The following ADGRA1 variants were observed in gnomAD, a reference collection of about 807,000 sequenced individuals.
The protein encoded by ADGRA1 is adhesion G protein-coupled receptor A1, also known as G-protein coupled receptor 123.
ADGRA1 carries 12 observed loss-of-function variants against 21.3 expected under a neutral mutation model. The observed-to-expected ratio is 0.56, with a 90% CI of 0.36 to 0.91. ADGRA1 has a LOEUF of 0.91. Among genes scored for constraint, ADGRA1 ranks in the 40% least tolerant of loss-of-function variants. The probability of loss-of-function intolerance (pLI) is 0.01; values close to 1 mark genes in which losing one functional copy is unlikely to be tolerated. For synonymous variants in ADGRA1, 385 were observed against 368.8 expected (o/e 1.04, Z -0.50); for missense variants, 790 against 805.6 (o/e 0.98, Z 0.23).
At position 133,123,722 on chromosome 10, in the gene ADGRA1, C is replaced by G. The variant is rs373641231; in HGVS notation, c.402-3511C>G. 8.4e-3 allele frequency among the ~76,000 whole-genome samples: 1,282 copies of G among 152,142 alleles called. 8 individuals are homozygous for G. The highest frequency in any genetic ancestry group is 0.022 in the African/African-American group (930 of 41,530). On this transcript the variant is annotated intron_variant, in intron 5 of 6. Coordinates refer to ENST00000392607, the MANE Select transcript of ADGRA1 (RefSeq NM_001083909.3). ...GGGGAGGACTGCCTCCCTCCCCCCC[C>G]CCGGCACCTTCTGGGGCTGCCTCGG...
intron 5 of ADGRA1, 102 bp downstream of exon 5, chr10:133,102,944 T>C: frequency 7.7e-7 from 1 of 1,300,364 alleles, no homozygotes; most frequent in Non-Finnish European, 1.1e-6. Context: ...ACCAGGGGCC[T>C]GAGGATGATC....
chr10:133,088,594 C>G, intron 1 of ADGRA1, 114 bp from the exon 2 acceptor site: 1 of 602,488 alleles, frequency 1.7e-6, no homozygotes, highest in Non-Finnish European at 2.3e-6. Context: ...CCAGGCCGCC[C>G]GCGGAGGGGA....
chr10:133,100,903 C>G (rs2135875202), intron 4 of ADGRA1, among the ~76,000 whole-genome samples: 1 of 152,346 alleles, frequency 6.6e-6, no homozygotes, highest in African/African-American at 2.4e-5. Context: ...TGACGCCAGG[C>G]TCGGGAAGCG....
intron 5 of ADGRA1, among the ~76,000 whole-genome samples, chr10:133,126,919 C>G (rs1266995276): frequency 6.6e-6 from 1 of 152,176 alleles, no homozygotes; most frequent in South Asian, 2.1e-4. Context: ...GGGGAGCAGT[C>G]CCGCCTGTAG....
At position 133,092,653 on chromosome 10, in the gene ADGRA1, G is replaced by T. The variant is rs552982955; in HGVS notation, c.3+3741G>T. On this transcript the variant is annotated intron_variant, in intron 2 of 6. Coordinates refer to ENST00000392607, the MANE Select transcript of ADGRA1 (RefSeq NM_001083909.3). ...CAGGAAATCAGTGTTCATTGGCACA[G>T]AACCAGGAAGTAAAACAGGGAGAAC... is the stretch of plus-strand genomic sequence containing the variant. Among the ~76,000 whole-genome samples, 32 of 151,888 alleles carry T rather than the reference G, an allele frequency of 2.1e-4. No homozygotes were observed. In the South Asian group the frequency reaches 6.5e-3, roughly 31 times the overall value.
chr10:133,125,101 A>C (rs1274531328), intron 5 of ADGRA1, among the ~76,000 whole-genome samples: 2 of 152,138 alleles, frequency 1.3e-5, no homozygotes, highest in African/African-American at 4.8e-5. Flanking sequence ...AGCTCTCTTA[A>C]TCTCACAGTT....
intron 4 of ADGRA1, among the ~76,000 whole-genome samples, chr10:133,101,084 G>C (rs1026001694): frequency 6.6e-6 from 1 of 152,232 alleles, no homozygotes; most frequent in East Asian, 1.9e-4. Context: ...CCGCCTCCGG[G>C]TAAGGAGGAG....
chr10:133,109,355 C>T (rs1302543841), intron 5 of ADGRA1, among the ~76,000 whole-genome samples: 1 of 152,086 alleles, frequency 6.6e-6, no homozygotes, highest in East Asian at 1.9e-4. Flanking sequence ...GTCCCTTTCT[C>T]AGCCTCCTGC....
chr10:133,095,385 G>A (rs1327229778), intron 2 of ADGRA1, among the ~76,000 whole-genome samples: 1 of 152,200 alleles, frequency 6.6e-6, no homozygotes, highest in Non-Finnish European at 1.5e-5. Flanking sequence ...ACAGGGCGCT[G>A]TCTCTCTGTG....
At chr10:133,126,445 C>T (rs1030032838) in intron 5 of ADGRA1, among the ~76,000 whole-genome samples, 6 of 152,138 alleles carry the variant, frequency 3.9e-5, no homozygotes, top group Non-Finnish European at 7.4e-5. Context: ...CCCAGGTGTT[C>T]GCAGGAGCCG....
At chr10:133,097,437 C>T (rs1373555738) in intron 3 of ADGRA1, among the ~76,000 whole-genome samples, 1 of 152,224 alleles carries the variant, frequency 6.6e-6, no homozygotes, top group East Asian at 1.9e-4. Context: ...TCAGTTCCCC[C>T]GGGCAGTCAC....
chr10:133,103,227 G>A (rs960102867), intron 5 of ADGRA1, among the ~76,000 whole-genome samples: 1 of 152,202 alleles, frequency 6.6e-6, no homozygotes, highest in South Asian at 2.1e-4. Flanking sequence ...CTGTGCTACC[G>A]AGTTGCTGGC....
At chr10:133,111,883 C>G in intron 5 of ADGRA1, among the ~76,000 whole-genome samples, 3 of 123,966 alleles carry the variant, frequency 2.4e-5, no homozygotes, top group Admixed American at 8.2e-5. Flanking sequence ...AGACCACCTG[C>G]CCACCACAGA....
At chr10:133,114,529 C>T (rs1852119946) in intron 5 of ADGRA1, among the ~76,000 whole-genome samples, 3 of 152,186 alleles carry the variant, frequency 2.0e-5, no homozygotes, top group Non-Finnish European at 4.4e-5. Flanking sequence ...GTCTCGCCAG[C>T]CTACCTTCCT....
chr10:133,122,692 G>A (rs1712459174), intron 5 of ADGRA1, among the ~76,000 whole-genome samples: 1 of 152,230 alleles, frequency 6.6e-6, no homozygotes, highest in Non-Finnish European at 1.5e-5. Flanking sequence ...AGGAAACTGT[G>A]GTCACGACCC....
intron 4 of ADGRA1, chr10:133,102,338 G>T: frequency 1.9e-6 from 1 of 514,104 alleles, no homozygotes. Flanking sequence ...CACCTATCCA[G>T]GTCTGAGCTC....
In ADGRA1 at chr10:133,111,717, C is replaced by T. The variant is rs372740267; in HGVS notation, c.401+8875C>T. 2.7e-5 allele frequency among the ~76,000 whole-genome samples: 2 copies of T among 73,514 alleles called. 1 individual carries two copies. Among genetic ancestry groups the T allele is most frequent in the East Asian group, 1.9e-3 (2 of 1,048 alleles). 48.2% of individuals were successfully genotyped at this position (73,514 alleles called of 152,430 possible). On this transcript the variant is annotated intron_variant, in intron 5 of 6. Coordinates refer to ENST00000392607, the MANE Select transcript of ADGRA1 (RefSeq NM_001083909.3). The stretch of plus-strand genomic sequence containing the variant: ...TCCTAATCCCACCAGACCACCTGCC[C>T]GCCACGGGCACCTCCCTCCTAATCC...
At chr10:133,127,479 C>T in intron 6 of ADGRA1, 148 bp downstream of exon 6, 1 of 628,332 alleles carries the variant, frequency 1.6e-6, no homozygotes. Flanking sequence ...TGCGCCCCTC[C>T]CAGCTCGCAC....
chr10:133,112,539 G>A lies in ADGRA1; in HGVS notation c.401+9697G>A, dbSNP rs531747859. Among the ~76,000 whole-genome samples the A allele has an allele frequency of 2.9e-3, 421 of 146,936 alleles. 4 individuals are homozygous for A. Among genetic ancestry groups the A allele is most frequent in the African/African-American group, 0.01 (402 of 39,302 alleles). On this transcript the variant is annotated intron_variant, in intron 5 of 6. Transcript: ENST00000392607. ...TTATTTGGGGTCTGCAGGCCGCGTC[G>A]GTTATTTGAGGTCTGTGGGCCGCAT...
Sources: gnomAD v4.1 joint callset for allele counts (sites outside exome capture counted in the v4.1 genomes callset) on GRCh38, gnomAD v4.1.1 for gene constraint, MANE v1.5 for transcripts, NCBI Gene and HGNC (gene_info 2026-07-23, HGNC 2026-07-21) for gene names.